Variants in MELK observed in about 807,000 individuals in gnomAD.
The protein encoded by MELK is pEg3 kinase.
In MELK, 81 loss-of-function variants were observed where a neutral mutation model predicts 85.0. The ratio of observed to expected loss-of-function variants is 0.95; its 90% CI spans 0.80 to 1.15. The LOEUF (loss-of-function observed/expected upper bound fraction) is 1.15, where lower values mean the gene tolerates loss of function less well. MELK is among the 50% of genes most tolerant of loss of function. The pLI is 0.00. For missense variants in MELK, 754 were observed against 777.5 expected (o/e 0.97, Z 0.36); for synonymous variants, 252 against 265.0 (o/e 0.95, Z 0.48).
chr9:36,613,185 C>T (rs79897624), intron 8 of MELK, among the ~76,000 whole-genome samples: 2 of 152,354 alleles, frequency 1.3e-5, no homozygotes, highest in East Asian at 3.9e-4. Context: ...TTGTACTTAC[C>T]CTTTCACCTG....
rs762236108 is a variant in MELK at position 36,657,365 on chromosome 9, T to G, written c.1176+2T>G. ...GCTGCTACTCCCCGAACATCACAGG[T>G]TCGTCATTCTTATTACTATTTAAGG... On this transcript the variant is annotated splice_donor_variant, in intron 13 of 17. Coordinates refer to ENST00000298048, the MANE Select transcript of MELK (RefSeq NM_014791.4). LOFTEE classifies it high-confidence loss of function. 4.4e-5 allele frequency: 70 copies of G among 1,601,226 alleles called. No individual in the cohort carries two copies. The highest frequency in any genetic ancestry group is 5.6e-5 in the Non-Finnish European group (66 of 1,176,170).
chr9:36,648,041 G>A (rs909475276), intron 11 of MELK, among the ~76,000 whole-genome samples: 1 of 152,022 alleles, frequency 6.6e-6, no homozygotes, highest in Non-Finnish European at 1.5e-5. Context: ...AGACTATTCC[G>A]TACTGTTAAA....
In MELK at chr9:36,674,876, C is replaced by T. The variant is rs758314348; in HGVS notation, c.1717C>T (p.Gln573Ter). The change falls in exon 17 of 18, where the codon CAA (glutamine) becomes TAA (stop). Residue 573 changes from glutamine (Q) to a stop codon, truncating the protein, a stop_gained. Transcript: ENST00000298048. LOFTEE classifies it high-confidence loss of function. The stretch of plus-strand genomic sequence containing the variant: ...TACAACTAGATTAGTGAATCCAGAT[C>T]AACTGTTGAATGAAATAATGTCTAT... Reference protein sequence around the residue: ...VTTTRLVNPDQLLNEIMSILP... With the variant: ...VTTTRLVNPD 1.2e-6 allele frequency: 2 copies of T among 1,600,944 alleles called. No homozygotes were observed. Among genetic ancestry groups the T allele is most frequent in the Non-Finnish European group, 1.7e-6 (2 of 1,168,444 alleles).
At chr9:36,617,223 C>T (rs981843189) in intron 8 of MELK, among the ~76,000 whole-genome samples, 3 of 152,150 alleles carry the variant, frequency 2.0e-5, no homozygotes, top group Admixed American at 2.0e-4. Context: ...CCATACCCCC[C>T]CACCAATACA....
chr9:36,671,638 C>T (rs531045491), intron 16 of MELK, among the ~76,000 whole-genome samples: 27 of 152,252 alleles, frequency 1.8e-4, no homozygotes, highest in African/African-American at 6.5e-4. Flanking sequence ...GGCCTCAAGG[C>T]CTGGCTAAGA....
At chr9:36,617,166 T>A (rs1287826333) in intron 8 of MELK, among the ~76,000 whole-genome samples, 1 of 152,160 alleles carries the variant, frequency 6.6e-6, no homozygotes, top group African/African-American at 2.4e-5. Flanking sequence ...AGTAAAGTCC[T>A]ATTGGTTTAT....
rs532139143 is a variant in MELK at position 36,649,504 on chromosome 9, G to A, written c.922-2242G>A. 6.9e-4 allele frequency among the ~76,000 whole-genome samples: 103 copies of A among 150,244 alleles called. No homozygotes were observed. In the South Asian group the frequency reaches 9.3e-3, roughly 14 times the overall value. ...AGAACAGCTAGGCACGGTGGCTTAC[G>A]CCTGTAAACCCAGCACTTTGGGAGG... On this transcript the variant is annotated intron_variant, in intron 11 of 17. Coordinates refer to ENST00000298048, the MANE Select transcript of MELK (RefSeq NM_014791.4).
chr9:36,650,374 T>A (rs1830598508), intron 11 of MELK, among the ~76,000 whole-genome samples: 1 of 152,176 alleles, frequency 6.6e-6, no homozygotes. Context: ...TGAAAACAGA[T>A]TCACACCAAG....
chr9:36,648,824 C>T (rs1202896733), intron 11 of MELK, among the ~76,000 whole-genome samples: 1 of 152,166 alleles, frequency 6.6e-6, no homozygotes, highest in Non-Finnish European at 1.5e-5. Context: ...AACCTCTCAT[C>T]AGCTGTGTAA....
chr9:36,626,065 A>G (rs1311623110), intron 8 of MELK, among the ~76,000 whole-genome samples: 1 of 152,152 alleles, frequency 6.6e-6, no homozygotes, highest in Non-Finnish European at 1.5e-5. Context: ...GTGGCAGGCC[A>G]GGTCTCACTA....
intron 8 of MELK, among the ~76,000 whole-genome samples, chr9:36,609,623 A>C (rs568346447): frequency 6.6e-6 from 1 of 151,746 alleles, no homozygotes; most frequent in East Asian, 1.9e-4. Context: ...TAATTAAAAA[A>C]ATTTTTTTGT....
intron 7 of MELK, among the ~76,000 whole-genome samples, 198 bp downstream of exon 7, chr9:36,599,684 A>T (rs956688483): frequency 1.3e-5 from 2 of 152,204 alleles, no homozygotes; most frequent in African/African-American, 4.8e-5. Context: ...ATAGTAACAT[A>T]TACTTATGAA....
At chr9:36,620,783 T>C (rs553828132) in intron 8 of MELK, among the ~76,000 whole-genome samples, 31 of 151,592 alleles carry the variant, frequency 2.0e-4, no homozygotes, top group African/African-American at 7.2e-4. Flanking sequence ...ACTCCTGACC[T>C]TGTGATCCGC....
At chr9:36,577,018 C>T (rs1279813690) in intron 1 of MELK, among the ~76,000 whole-genome samples, 1 of 152,124 alleles carries the variant, frequency 6.6e-6, no homozygotes, top group Non-Finnish European at 1.5e-5. Context: ...TATGAAGGGC[C>T]TTCTCTTATT....
At position 36,585,944 on chromosome 9, in the gene MELK, G is replaced by GT. The variant is rs1010593999; in HGVS notation, c.144+2241dup. ...CAGAGCAAGATCTTGTCTAAAAAAA[G>GT]TTTTTTTTTGATGTTTTTATTGTTG... On this transcript the variant is annotated intron_variant, in intron 3 of 17. Transcript: ENST00000298048. Among the ~76,000 whole-genome samples, 7 of 151,352 alleles carry GT rather than the reference G, an allele frequency of 4.6e-5. No individual in the cohort carries two copies. The East Asian group carries it at 5.8e-4, about 13-fold the overall frequency.
chr9:36,674,889 AAAT>A lies in MELK; in HGVS notation c.1734_1736del (p.Ile578del), dbSNP rs773004430. The A allele has an allele frequency of 1.9e-6, 3 of 1,600,494 alleles. No individual in the cohort carries two copies. In the South Asian group the frequency reaches 3.3e-5, roughly 18 times the overall value. The stretch of plus-strand genomic sequence containing the variant: ...GTGAATCCAGATCAACTGTTGAATG[AAAT>A]AATGTCTATTCTTCCAAAGAAGCAT... On this transcript the variant is annotated inframe_deletion, in exon 17 of 18. Coordinates refer to ENST00000298048, the MANE Select transcript of MELK (RefSeq NM_014791.4).
chr9:36,600,044 G>A (rs139622390), intron 7 of MELK, among the ~76,000 whole-genome samples: 1 of 152,110 alleles, frequency 6.6e-6, no homozygotes, highest in East Asian at 1.9e-4. Flanking sequence ...CTCAGGAAGT[G>A]CTCAAACAGG....
At chr9:36,645,034 C>A (rs531787448) in intron 11 of MELK, among the ~76,000 whole-genome samples, 2 of 151,666 alleles carry the variant, frequency 1.3e-5, no homozygotes, top group South Asian at 4.2e-4. Context: ...TTTGGGAGTC[C>A]GAGGCGGGCG....
chr9:36,659,858 G>A (rs771424918), intron 13 of MELK, among the ~76,000 whole-genome samples: 3 of 152,180 alleles, frequency 2.0e-5, no homozygotes, highest in Non-Finnish European at 4.4e-5. Flanking sequence ...GGAGTGCAAT[G>A]GCACGATCTC....
Sources: gnomAD v4.1 joint callset for allele counts (sites outside exome capture counted in the v4.1 genomes callset) on GRCh38, gnomAD v4.1.1 for gene constraint, MANE v1.5 for transcripts, NCBI Gene and HGNC (gene_info 2026-07-23, HGNC 2026-07-21) for gene names.